PLPPR1: variants seen among roughly 807,000 people sequenced by gnomAD.
PLPPR1 encodes the protein phospholipid phosphatase-related protein type 1.
In PLPPR1, 10 loss-of-function variants were observed where a neutral mutation model predicts 33.1. That is an observed-to-expected ratio of 0.30 (90% CI 0.19 to 0.51). The LOEUF (loss-of-function observed/expected upper bound fraction) is 0.51, where lower values mean the gene tolerates loss of function less well. Among genes scored for constraint, PLPPR1 ranks in the 20% least tolerant of loss-of-function variants. The probability of loss-of-function intolerance (pLI) is 0.97; values close to 1 mark genes in which losing one functional copy is unlikely to be tolerated. For missense variants in PLPPR1, 304 were observed against 408.1 expected (o/e 0.74, Z 2.20); for synonymous variants, 151 against 151.0 (o/e 1.00, Z 0.00).
intron 1 of PLPPR1, among the ~76,000 whole-genome samples, chr9:101,152,915 G>C (rs1831610427): frequency 6.6e-6 from 1 of 152,196 alleles, no homozygotes; most frequent in African/African-American, 2.4e-5. Flanking sequence ...CTTTAAAGTA[G>C]TTTTTTCCAA....
At chr9:101,264,568 G>T (rs1245171819) in intron 2 of PLPPR1, among the ~76,000 whole-genome samples, 1 of 152,198 alleles carries the variant, frequency 6.6e-6, no homozygotes, top group African/African-American at 2.4e-5. Flanking sequence ...GCCCCAGGTA[G>T]ATTACAAATT....
At chr9:101,129,425 A>T (rs1260429677) in intron 1 of PLPPR1, among the ~76,000 whole-genome samples, 1 of 152,238 alleles carries the variant, frequency 6.6e-6, no homozygotes, top group Admixed American at 6.5e-5. Flanking sequence ...AATTGTTCAT[A>T]GTAGTTGTAT....
chr9:101,271,219 T>C (rs1828094232), intron 3 of PLPPR1, among the ~76,000 whole-genome samples: 1 of 152,170 alleles, frequency 6.6e-6, no homozygotes, highest in Non-Finnish European at 1.5e-5. Flanking sequence ...CTAACACACC[T>C]GGATTCACAT....
At chr9:101,138,421 T>C (rs568399220) in intron 1 of PLPPR1, among the ~76,000 whole-genome samples, 1 of 152,358 alleles carries the variant, frequency 6.6e-6, no homozygotes, top group Non-Finnish European at 1.5e-5. Flanking sequence ...CCTGCTTGTC[T>C]ATTGAAAGAA....
chr9:101,237,367 C>A (rs1246381034), intron 2 of PLPPR1, among the ~76,000 whole-genome samples: 1 of 151,362 alleles, frequency 6.6e-6, no homozygotes, highest in Non-Finnish European at 1.5e-5. Flanking sequence ...AAGATACCTG[C>A]GCTGTTATAT....
chr9:101,068,953 A>C (rs1830451043), intron 1 of PLPPR1, among the ~76,000 whole-genome samples: 1 of 152,092 alleles, frequency 6.6e-6, no homozygotes, highest in Admixed American at 6.6e-5. Flanking sequence ...ATGTTTTACA[A>C]AACAAAACAG....
chr9:101,092,726 T>G (rs10989398), intron 1 of PLPPR1, among the ~76,000 whole-genome samples: 1 of 152,134 alleles, frequency 6.6e-6, no homozygotes, highest in Middle Eastern at 3.2e-3. Flanking sequence ...GACTTCCATC[T>G]TATTACGGAC....
intron 1 of PLPPR1, among the ~76,000 whole-genome samples, chr9:101,172,417 A>G (rs1393074051): frequency 2.6e-5 from 4 of 151,936 alleles, no homozygotes; most frequent in Admixed American, 2.0e-4. Context: ...TCCCTGGATG[A>G]GAAATGTTTT....
At chr9:101,075,915 G>A (rs1033529652) in intron 1 of PLPPR1, among the ~76,000 whole-genome samples, 14 of 152,070 alleles carry the variant, frequency 9.2e-5, no homozygotes, top group African/African-American at 3.4e-4. Flanking sequence ...AACAAGTTTA[G>A]TCAGAGGGAA....
chr9:101,097,151 C>T (rs1026292841), intron 1 of PLPPR1, among the ~76,000 whole-genome samples: 3 of 152,166 alleles, frequency 2.0e-5, no homozygotes, highest in Non-Finnish European at 2.9e-5. Context: ...GAATCATCTG[C>T]ACAACTTGCA....
At chr9:101,130,047 G>A (rs1831296043) in intron 1 of PLPPR1, among the ~76,000 whole-genome samples, 1 of 152,108 alleles carries the variant, frequency 6.6e-6, no homozygotes. Context: ...AAAGGACAAC[G>A]ATGAAACTTT....
intron 1 of PLPPR1, among the ~76,000 whole-genome samples, chr9:101,075,071 A>G (rs1339877038): frequency 1.3e-5 from 2 of 152,230 alleles, no homozygotes; most frequent in Non-Finnish European, 2.9e-5. Context: ...ATTAAGGTTT[A>G]TGTTAAGAGC....
chr9:101,116,319 C>T (rs4631519), intron 1 of PLPPR1, among the ~76,000 whole-genome samples: 76,176 of 151,998 alleles, frequency 0.5, 19,388 homozygotes, highest in African/African-American at 0.58. Flanking sequence ...GGCTGCTGCT[C>T]AGAAGAAACA....
At chr9:101,293,782 T>C (rs1167435920) in intron 4 of PLPPR1, among the ~76,000 whole-genome samples, 3 of 151,890 alleles carry the variant, frequency 2.0e-5, no homozygotes, top group Admixed American at 6.6e-5. Context: ...CATACCAGAA[T>C]CTCTGGGACA....
At chr9:101,257,976 T>C (rs2118875566) in intron 2 of PLPPR1, among the ~76,000 whole-genome samples, 1 of 152,302 alleles carries the variant, frequency 6.6e-6, no homozygotes, top group South Asian at 2.1e-4. Context: ...AAGTTTTCTT[T>C]ACTCTTCTGT....
chr9:101,314,841 C>T (rs774514972), intron 6 of PLPPR1, among the ~76,000 whole-genome samples: 65 of 152,102 alleles, frequency 4.3e-4, no homozygotes, highest in Non-Finnish European at 7.8e-4. Context: ...AGGCATTCTT[C>T]CTATAGTGAA....
chr9:101,276,224 C>CT (rs1181945967), intron 3 of PLPPR1, among the ~76,000 whole-genome samples: 5 of 151,732 alleles, frequency 3.3e-5, no homozygotes, highest in East Asian at 1.9e-4. Context: ...ACATGACTTC[C>CT]TTTTTTAAAA....
intron 6 of PLPPR1, among the ~76,000 whole-genome samples, chr9:101,316,142 C>T (rs1020361540): frequency 2.0e-5 from 3 of 152,116 alleles, no homozygotes; most frequent in Non-Finnish European, 4.4e-5. Flanking sequence ...CCAGTTAAAG[C>T]ACAGTGTAGG....
chr9:101,125,806 ACT>A (rs1831239700), intron 1 of PLPPR1: 1 of 781,698 alleles, frequency 1.3e-6, no homozygotes, highest in Admixed American at 2.5e-5. Context: ...TTGTCTTAAA[ACT>A]CTGTTGTGAA....
Sources: allele counts gnomAD v4.1 joint callset (sites outside exome capture counted in the v4.1 genomes callset), GRCh38; gene constraint gnomAD v4.1.1; transcripts MANE v1.5; gene names NCBI Gene and HGNC (gene_info 2026-07-23, HGNC 2026-07-21).